The following SLC13A5 variants were observed in gnomAD, a reference collection of about 807,000 sequenced individuals.
The protein encoded by SLC13A5 is Na(+)/citrate cotransporter.
In SLC13A5, 25 loss-of-function variants were observed where a neutral mutation model predicts 56.5. That is an observed-to-expected ratio of 0.44 (90% CI 0.32 to 0.62). The LOEUF (loss-of-function observed/expected upper bound fraction) is 0.62. Ranked by LOEUF, SLC13A5 falls within the 20% of genes least tolerant of loss-of-function variation. The pLI is 0.04. For missense variants in SLC13A5, 649 were observed against 737.8 expected, an observed-to-expected ratio of 0.88 and a Z score of 1.39; for synonymous variants, 307 against 301.5, an observed-to-expected ratio of 1.02 and a Z score of -0.19.
In SLC13A5 at chr17:6,703,125, A is replaced by T. The variant is rs775666858; in HGVS notation, c.561T>A (p.Ile187=). 6.2e-7 allele frequency: 1 copy of T among 1,613,996 alleles called. No individual in the cohort carries two copies. Among genetic ancestry groups the T allele is most frequent in the Non-Finnish European group, 8.5e-7 (1 of 1,179,992 alleles). ...KAKELPGSQV[I]FEGPTLGQQE... is the part of the protein sequence containing the mutation. The stretch of plus-strand genomic sequence containing the variant: ...GCTGCCCCAGAGTGGGGCCTTCAAA[A>T]ATCACTTGACTCCCTGTGGTGGGCA... The change falls in exon 5 of 12, where the codon ATT becomes ATA. Residue 187 remains isoleucine, a synonymous_variant. Coordinates refer to ENST00000433363, the MANE Select transcript of SLC13A5 (RefSeq NM_177550.5).
At chr17:6,696,034 C>A in intron 6 of SLC13A5, 93 bp from the exon 7 acceptor site, 2 of 1,169,670 alleles carry the variant, frequency 1.7e-6, no homozygotes, top group Admixed American at 4.1e-5. Flanking sequence ...CAGAATGTAG[C>A]AAAAAGACAC....
In SLC13A5 at chr17:6,686,678, T is replaced by G. The variant is rs552596859; in HGVS notation, c.1576-340A>C. On this transcript the variant is annotated intron_variant, in intron 11 of 11. Coordinates refer to ENST00000433363, the MANE Select transcript of SLC13A5 (RefSeq NM_177550.5). ...AGTCCAGGTTCATTGCTCACCCCAGTGCCTTAACTATCCTACAAGGACGTG... is the reference window on the plus strand; with the variant it reads ...AGTCCAGGTTCATTGCTCACCCCAGGGCCTTAACTATCCTACAAGGACGTG... 4 of 270,974 alleles carry G rather than the reference T, an allele frequency of 1.5e-5. No individual in the cohort carries two copies. In the South Asian group the frequency reaches 1.5e-4, roughly 10 times the overall value. 16.8% of individuals were successfully genotyped at this position (270,974 alleles called of 1,614,324 possible).
At chr17:6,706,538 G>C in intron 3 of SLC13A5, 104 bp downstream of exon 3, 2 of 1,483,524 alleles carry the variant, frequency 1.3e-6, no homozygotes, top group South Asian at 2.7e-5. Context: ...TAAGCCCATG[G>C]CCAGCCCTCA....
At chr17:6,707,715 A>G (rs1973908609) in intron 1 of SLC13A5, among the ~76,000 whole-genome samples, 1 of 152,118 alleles carries the variant, frequency 6.6e-6, no homozygotes, top group Non-Finnish European at 1.5e-5. Context: ...AAAGCCAAAT[A>G]GTGCATGTTC....
At chr17:6,689,367 C>T (rs1174571933) in intron 10 of SLC13A5, 1 of 152,268 alleles carries the variant, frequency 6.6e-6, no homozygotes, top group Non-Finnish European at 1.5e-5. Context: ...TGACCATCAC[C>T]TTTTCCTTTC....
intron 2 of SLC13A5, 56 bp downstream of exon 2, chr17:6,706,972 G>C: frequency 6.2e-7 from 1 of 1,607,492 alleles, no homozygotes; most frequent in East Asian, 2.2e-5. Flanking sequence ...GTGGGGACTA[G>C]AGAAAGAGAG....
rs201171895 is a variant in SLC13A5, at chr17:6,686,197, G to C, written c.*10C>G. ...GGGTAAGGGCTGTGTGTGTGGTCTT[G>C]TGGCTCTTCCTAAGTCTCAATATGT... On this transcript the variant is annotated 3_prime_UTR_variant, in exon 12 of 12. Coordinates refer to ENST00000433363, the MANE Select transcript of SLC13A5 (RefSeq NM_177550.5). The C allele has an allele frequency of 2.5e-6, 4 of 1,614,008 alleles. No homozygotes were observed. The highest frequency in any genetic ancestry group is 3.4e-6 in the Non-Finnish European group (4 of 1,179,994).
chr17:6,695,366 A>C, intron 7 of SLC13A5: 1 of 181,052 alleles, frequency 5.5e-6, no homozygotes. Context: ...GCATTTAGGC[A>C]CTAGTGCACT....
chr17:6,697,382 G>A (rs1277603280), intron 6 of SLC13A5, among the ~76,000 whole-genome samples: 1 of 152,204 alleles, frequency 6.6e-6, no homozygotes, highest in Non-Finnish European at 1.5e-5. Flanking sequence ...GCTGCATGGA[G>A]TATGCAGTCT....
intron 1 of SLC13A5, among the ~76,000 whole-genome samples, chr17:6,712,527 C>T (rs1974068933): frequency 6.6e-6 from 1 of 152,256 alleles, no homozygotes; most frequent in South Asian, 2.1e-4. Context: ...ACCCAAGGCG[C>T]GAGCTCTGGG....
rs539171978 is a variant in SLC13A5 at position 6,697,046 on chromosome 17, C to T, written c.840-1105G>A. ...ACACTGATGGGACCTCAGGTCTACA[C>T]GGCTGGCTAGGATCTCCCTGCTGGG... On this transcript the variant is annotated intron_variant, in intron 6 of 11. Coordinates refer to ENST00000433363, the MANE Select transcript of SLC13A5 (RefSeq NM_177550.5). Among the ~76,000 whole-genome samples, 545 of 152,210 alleles carry T rather than the reference C, an allele frequency of 3.6e-3. 7 individuals carry two copies. The highest frequency in any genetic ancestry group is 0.012 in the African/African-American group (505 of 41,518).
At chr17:6,702,932 C>T (rs1973752820) in intron 5 of SLC13A5, 38 bp downstream of exon 5, 2 of 1,604,542 alleles carry the variant, frequency 1.2e-6, no homozygotes, top group Admixed American at 1.7e-5. Context: ...CCCCGGTACC[C>T]ACTTCGTTGT....
chr17:6,698,483 C>T (rs936549993), intron 6 of SLC13A5, among the ~76,000 whole-genome samples: 20 of 152,190 alleles, frequency 1.3e-4, no homozygotes, highest in Non-Finnish European at 8.8e-5. Context: ...AGGGCAGCCC[C>T]GGCCCCAACT....
Position 6,711,508 on chromosome 17 carries a change from ATGTG to A in SLC13A5, c.102+1720_102+1723del, listed in dbSNP as rs59497244. Among the ~76,000 whole-genome samples the A allele has an allele frequency of 0.13, 15,077 of 112,082 alleles. 2,399 individuals are homozygous for A. Among genetic ancestry groups the A allele is most frequent in the African/African-American group, 0.41 (13,897 of 33,548 alleles). 73.5% of individuals were successfully genotyped at this position (112,082 alleles called of 152,430 possible). A position where few individuals can be genotyped will look rare whatever the true frequency, so the allele number is the denominator to read the frequency against. ...AGGGTGTGTGTGTGTGTGTGTGTGT[ATGTG>A]TATGTGTGTGTTTGTGTTTTTTGTG... On this transcript the variant is annotated intron_variant, in intron 1 of 11. Coordinates refer to ENST00000433363, the MANE Select transcript of SLC13A5 (RefSeq NM_177550.5). This position sits in a 1 kb window ranked among gnomAD's most constrained non-coding sequence, Gnocchi z 4.0.
chr17:6,707,073 C>T lies in SLC13A5; in HGVS notation c.186G>A (p.Met62Ile), dbSNP rs144640152. The T allele has an allele frequency of 2.5e-6, 4 of 1,613,932 alleles. No homozygotes were observed. Among genetic ancestry groups the T allele is most frequent in the African/African-American group, 1.3e-5 (1 of 74,902 alleles). ...EVIPLAVTSL[M>I]PVLLFPLFQI... ...GGAAGAGTGGGAAAAGCAAGACAGG[C>T]ATGAGAGAGGTGACAGCCAGAGGGA... Residue 62 changes from methionine (M) to isoleucine (I), a missense_variant, in exon 2 of 12, where the codon ATG becomes ATA. By Grantham distance (10) the Met-to-Ile change is conservative. Coordinates refer to ENST00000433363, the MANE Select transcript of SLC13A5 (RefSeq NM_177550.5).
chr17:6,696,011 A>G, intron 6 of SLC13A5, 70 bp from the exon 7 acceptor site: 2 of 1,422,522 alleles, frequency 1.4e-6, no homozygotes, highest in Non-Finnish European at 2.0e-6. Flanking sequence ...GATGGAGCCT[A>G]AATGTTCTAC....
chr17:6,685,950 T>C lies in SLC13A5; in HGVS notation c.*257A>G, dbSNP rs999248315. The C allele has an allele frequency of 1.2e-5, 6 of 493,308 alleles. No individual in the cohort carries two copies. The highest frequency in any genetic ancestry group is 2.2e-5 in the Non-Finnish European group (6 of 273,370). The allele number at this position is 493,308 out of a possible 1,614,324, so 30.6% of individuals were successfully genotyped here. A position where few individuals can be genotyped will look rare whatever the true frequency, so the allele number is the denominator to read the frequency against. ...TACCTGGCCTCCCTCACAGAGATAA[T>C]GGCAAGGCTTGGGAAAGATGGGTCC... On this transcript the variant is annotated 3_prime_UTR_variant, in exon 12 of 12. Transcript: ENST00000433363. The surrounding 1 kb of genome is among the most constrained non-coding windows in gnomAD (Gnocchi z 4.2).
intron 3 of SLC13A5, among the ~76,000 whole-genome samples, chr17:6,706,187 G>A (rs1221276907): frequency 6.6e-6 from 1 of 152,140 alleles, no homozygotes; most frequent in Non-Finnish European, 1.5e-5. Flanking sequence ...GAGTGATATC[G>A]GGGAAGATAA....
intron 3 of SLC13A5, chr17:6,705,640 C>A (rs1973846188): frequency 6.6e-6 from 1 of 152,190 alleles, no homozygotes; most frequent in African/African-American, 2.4e-5. Context: ...ATCTGAGGCA[C>A]CAAGGGAGCC....
Sources: allele counts gnomAD v4.1 joint callset (sites outside exome capture counted in the v4.1 genomes callset), GRCh38; gene constraint gnomAD v4.1.1; non-coding constraint Gnocchi (gnomAD v3.1); transcripts MANE v1.5; gene names NCBI Gene and HGNC (gene_info 2026-07-23, HGNC 2026-07-21).